Variants in ENTREP2 observed in about 807,000 individuals in gnomAD.
The protein encoded by ENTREP2 is endosomal transmembrane epsin interactor 2, also known as protein ENTREP2.
the ENTREP2 span, among the ~76,000 whole-genome samples, chr15:29,219,905 G>C: frequency 6.6e-6 from 1 of 151,652 alleles, no homozygotes; most frequent in African/African-American, 2.4e-5. Context: ...ACTACAAATA[G>C]GATGCAGTTA....
At chr15:29,241,928 C>T in the ENTREP2 span, among the ~76,000 whole-genome samples, 1 of 152,058 alleles carries the variant, frequency 6.6e-6, no homozygotes, top group South Asian at 2.1e-4. Context: ...CCTGTAGTGC[C>T]AGCTGCCTGG....
chr15:29,252,066 T>C, the ENTREP2 span, among the ~76,000 whole-genome samples: 4 of 152,222 alleles, frequency 2.6e-5, no homozygotes, highest in East Asian at 3.8e-4. Context: ...TAAAATATAA[T>C]AGTTACTAAG....
chr15:29,548,515 A>T, the ENTREP2 span, among the ~76,000 whole-genome samples: 1 of 152,074 alleles, frequency 6.6e-6, no homozygotes, highest in African/African-American at 2.4e-5. Flanking sequence ...CACAATTTTT[A>T]AAAATTGAAT....
chr15:29,556,762 G>GCCCCCCCC, the ENTREP2 span, among the ~76,000 whole-genome samples: 15 of 38,910 alleles, frequency 3.9e-4, no homozygotes, highest in African/African-American at 1.0e-3. Context: ...CCATGCAGGT[G>GCCCCCCCC]CCCCCCCCCC....
At chr15:29,662,540 G>T in the ENTREP2 span, among the ~76,000 whole-genome samples, 21 of 152,106 alleles carry the variant, frequency 1.4e-4, no homozygotes, top group African/African-American at 4.1e-4. Context: ...CCATTTTAGT[G>T]CATTACACCC....
the ENTREP2 span, among the ~76,000 whole-genome samples, chr15:29,535,344 T>C: frequency 6.6e-6 from 1 of 151,944 alleles, no homozygotes; most frequent in Non-Finnish European, 1.5e-5. Context: ...TTTCTTTGTA[T>C]AATAAAATGG....
chr15:29,674,760 G>A, the ENTREP2 span, among the ~76,000 whole-genome samples: 3 of 149,728 alleles, frequency 2.0e-5, no homozygotes, highest in Non-Finnish European at 4.5e-5. Flanking sequence ...AAAGGGGGAG[G>A]GAGGAGAGGG....
At chr15:29,490,843 CT>C in the ENTREP2 span, among the ~76,000 whole-genome samples, 1 of 152,250 alleles carries the variant, frequency 6.6e-6, no homozygotes, top group Admixed American at 6.5e-5. Flanking sequence ...CGAAGGGGAG[CT>C]GCCTGCCAGT....
At chr15:29,613,749 T>C in the ENTREP2 span, 8,392 of 166,310 alleles carry the variant, frequency 0.05, 259 homozygotes, top group East Asian at 0.15. Flanking sequence ...TCTGCTTCCC[T>C]CACCAGCTCA....
the ENTREP2 span, chr15:29,269,641 C>A: frequency 1.9e-6 from 3 of 1,575,830 alleles, no homozygotes; most frequent in South Asian, 3.5e-5. Flanking sequence ...TCCGCTATGG[C>A]TCCAGTCTCT....
chr15:29,567,203 C>A, the ENTREP2 span, among the ~76,000 whole-genome samples: 1 of 152,088 alleles, frequency 6.6e-6, no homozygotes, highest in African/African-American at 2.4e-5. Context: ...CTGCACAGCT[C>A]TGTATTCATC....
At chr15:29,472,276 A>G in the ENTREP2 span, among the ~76,000 whole-genome samples, 1 of 152,280 alleles carries the variant, frequency 6.6e-6, no homozygotes, top group Admixed American at 6.5e-5. Context: ...CAATTCAGGA[A>G]GAGGTGGCAC....
the ENTREP2 span, among the ~76,000 whole-genome samples, chr15:29,550,265 C>T: frequency 6.6e-6 from 1 of 151,988 alleles, no homozygotes; most frequent in Non-Finnish European, 1.5e-5. Context: ...CTTCCTAACA[C>T]TCACACAAAA....
At chr15:29,121,897 A>G in the ENTREP2 span, 1 of 152,366 alleles carries the variant, frequency 6.6e-6, no homozygotes, top group Non-Finnish European at 1.5e-5. Context: ...GCCACACAGA[A>G]GCTCCCCAGC....
chr15:29,483,282 G>T, the ENTREP2 span, among the ~76,000 whole-genome samples: 1 of 152,096 alleles, frequency 6.6e-6, no homozygotes, highest in Non-Finnish European at 1.5e-5. Context: ...TCCTAGGTTT[G>T]TCTTTTCATT....
chr15:29,533,106 C>T, the ENTREP2 span, among the ~76,000 whole-genome samples: 7 of 152,126 alleles, frequency 4.6e-5, no homozygotes, highest in Middle Eastern at 3.2e-3. Context: ...ACAGGATAGG[C>T]TTCGTAGCAG....
At chr15:29,432,107 G>A in the ENTREP2 span, among the ~76,000 whole-genome samples, 1 of 152,206 alleles carries the variant, frequency 6.6e-6, no homozygotes, top group Non-Finnish European at 1.5e-5. Flanking sequence ...AGTGGATTGT[G>A]TTAAATATAA....
At chr15:29,616,007 T>A in the ENTREP2 span, among the ~76,000 whole-genome samples, 1 of 152,180 alleles carries the variant, frequency 6.6e-6, no homozygotes, top group Non-Finnish European at 1.5e-5. Context: ...CCACCCCGGT[T>A]CACAGAGCAG....
chr15:29,295,983 G>A, the ENTREP2 span, among the ~76,000 whole-genome samples: 1 of 152,164 alleles, frequency 6.6e-6, no homozygotes, highest in Non-Finnish European at 1.5e-5. Context: ...TTTTCCATAT[G>A]TGTGTGGGCT....
Sources: allele counts gnomAD v4.1 joint callset (sites outside exome capture counted in the v4.1 genomes callset), GRCh38; gene constraint gnomAD v4.1.1; transcripts MANE v1.5; gene names NCBI Gene and HGNC (gene_info 2026-07-23, HGNC 2026-07-21).